SGCD: variants seen among roughly 807,000 people sequenced by gnomAD.
SGCD encodes the protein delta-sarcoglycan.
SGCD carries 18 observed loss-of-function variants against 36.6 expected under a neutral mutation model. The observed-to-expected ratio is 0.49, with a 90% confidence interval of 0.34 to 0.73. The LOEUF is 0.73. SGCD is among the 30% of genes least tolerant of loss of function. The probability of loss-of-function intolerance (pLI) is 0.01; values close to 1 mark genes in which losing one functional copy is unlikely to be tolerated. For synonymous variants in SGCD, 133 were observed against 130.6 expected, an observed-to-expected ratio of 1.02 and a Z score of -0.12; for missense variants, 387 against 346.7, an observed-to-expected ratio of 1.12 and a Z score of -0.92.
chr5:155,989,485 T>C (rs1758391230), intron 1 of SGCD, among the ~76,000 whole-genome samples: 1 of 152,146 alleles, frequency 6.6e-6, no homozygotes, highest in Non-Finnish European at 1.5e-5. Flanking sequence ...TTAGATGTCA[T>C]TTTCATCTAG....
the SGCD span, among the ~76,000 whole-genome samples, chr5:155,789,036 A>G: frequency 1.3e-5 from 2 of 152,298 alleles, no homozygotes; most frequent in South Asian, 2.1e-4. Flanking sequence ...TTTGCCATGT[A>G]GATATATAAG....
intron 3 of SGCD, among the ~76,000 whole-genome samples, chr5:156,479,270 A>G (rs1420477540): frequency 6.6e-6 from 1 of 151,668 alleles, no homozygotes; most frequent in African/African-American, 2.4e-5. Flanking sequence ...TTTTTTTTGT[A>G]CTTTTAGTAG....
chr5:156,512,910 C>G (rs1478844982), intron 4 of SGCD, among the ~76,000 whole-genome samples: 2 of 151,562 alleles, frequency 1.3e-5, no homozygotes, highest in Non-Finnish European at 2.9e-5. Flanking sequence ...TATTTAATGT[C>G]TAACTTAAGA....
At chr5:155,800,290 C>A in the SGCD span, among the ~76,000 whole-genome samples, 1 of 152,084 alleles carries the variant, frequency 6.6e-6, no homozygotes, top group Non-Finnish European at 1.5e-5. Context: ...CCATATTCTC[C>A]TAAAACACAG....
chr5:156,655,596 C>A (rs1296759547), intron 7 of SGCD, among the ~76,000 whole-genome samples: 1 of 152,098 alleles, frequency 6.6e-6, no homozygotes, highest in African/African-American at 2.4e-5. Context: ...AAGGTCTATG[C>A]CAAATATCCA....
chr5:156,669,566 G>C (rs1337301420), intron 7 of SGCD, among the ~76,000 whole-genome samples: 1 of 152,164 alleles, frequency 6.6e-6, no homozygotes, highest in African/African-American at 2.4e-5. Context: ...AGGAAATGCT[G>C]TTTGCTTTGC....
the SGCD span, among the ~76,000 whole-genome samples, chr5:155,732,394 G>C: frequency 6.6e-6 from 1 of 152,184 alleles, no homozygotes; most frequent in East Asian, 1.9e-4. Flanking sequence ...ATTATGTACC[G>C]TGGTAGCTGC....
intron 3 of SGCD, among the ~76,000 whole-genome samples, chr5:156,283,331 G>A (rs972033339): frequency 1.3e-5 from 2 of 152,154 alleles, no homozygotes; most frequent in Non-Finnish European, 2.9e-5. Context: ...CTGTTCTCTG[G>A]TGTAACTCCG....
chr5:155,986,515 A>G, intron 1 of SGCD, among the ~76,000 whole-genome samples: 1 of 152,126 alleles, frequency 6.6e-6, no homozygotes, highest in Non-Finnish European at 1.5e-5. Context: ...GGCTCCTCAG[A>G]GTTGATATGT....
the SGCD span, among the ~76,000 whole-genome samples, chr5:155,797,230 C>T: frequency 6.6e-6 from 1 of 152,136 alleles, no homozygotes. Flanking sequence ...TCCAGGCCTA[C>T]ATAATTTCAC....
chr5:156,491,463 A>T (rs1482521137), intron 3 of SGCD, among the ~76,000 whole-genome samples: 1 of 152,158 alleles, frequency 6.6e-6, no homozygotes, highest in Non-Finnish European at 1.5e-5. Context: ...AATAACCCAA[A>T]TAGCATGACA....
chr5:155,744,903 T>G, the SGCD span, among the ~76,000 whole-genome samples: 2 of 152,170 alleles, frequency 1.3e-5, no homozygotes, highest in African/African-American at 4.8e-5. Flanking sequence ...ATAAGATGAA[T>G]AAAATGTGAA....
At chr5:155,793,450 A>C in the SGCD span, among the ~76,000 whole-genome samples, 1 of 152,174 alleles carries the variant, frequency 6.6e-6, no homozygotes, top group African/African-American at 2.4e-5. Flanking sequence ...TGGACTAGAT[A>C]GTAGATTATA....
In SGCD at chr5:156,763,382, C is replaced by A. The variant is rs1262267495; in HGVS notation, c.*3992C>A. The A allele has an allele frequency of 6.6e-6, 1 of 152,500 alleles. No individual in the cohort carries two copies. The highest frequency in any genetic ancestry group is 1.5e-5 in the Non-Finnish European group (1 of 68,024). The allele number at this position is 152,500 out of a possible 1,614,324, so 9.4% of individuals were successfully genotyped here. A position where few individuals can be genotyped will look rare whatever the true frequency, so the allele number is the denominator to read the frequency against. On this transcript the variant is annotated 3_prime_UTR_variant, in exon 9 of 9. Transcript: ENST00000337851. ...TGTGCTTACTGTTCCTACAGCCACA[C>A]CAGGCTTGAAGAGTTAGTGAGACCA...
At chr5:156,715,504 C>A (rs1373849964) in intron 7 of SGCD, among the ~76,000 whole-genome samples, 1 of 152,166 alleles carries the variant, frequency 6.6e-6, no homozygotes, top group Non-Finnish European at 1.5e-5. Context: ...CTAATCCATG[C>A]CGCCATTTCA....
chr5:156,268,705 G>C (rs1263028455), intron 3 of SGCD, among the ~76,000 whole-genome samples: 4 of 152,088 alleles, frequency 2.6e-5, no homozygotes, highest in Non-Finnish European at 5.9e-5. Flanking sequence ...CAATTCTCTT[G>C]CCTCAGCCTC....
At chr5:155,872,351 GCACACA>G (rs3085993) in intron 1 of SGCD, among the ~76,000 whole-genome samples, 17,567 of 145,006 alleles carry the variant, frequency 0.12, 1,065 homozygotes, top group South Asian at 0.2. Flanking sequence ...CTTCTCTTCA[GCACACA>G]CACACACACA....
At chr5:155,910,556 G>C (rs1372852100) in intron 1 of SGCD, among the ~76,000 whole-genome samples, 1 of 151,920 alleles carries the variant, frequency 6.6e-6, no homozygotes, top group African/African-American at 2.4e-5. Context: ...TGTCAATCCT[G>C]ATAGTAAAAA....
intron 3 of SGCD, among the ~76,000 whole-genome samples, chr5:156,360,499 T>C (rs919679880): frequency 1.3e-5 from 2 of 152,148 alleles, no homozygotes; most frequent in African/African-American, 2.4e-5. Flanking sequence ...CTGCCTGCCT[T>C]GGCCTCCCAA....
Sources: gnomAD v4.1 joint callset for allele counts (sites outside exome capture counted in the v4.1 genomes callset) on GRCh38, gnomAD v4.1.1 for gene constraint, MANE v1.5 for transcripts, NCBI Gene and HGNC (gene_info 2026-07-23, HGNC 2026-07-21) for gene names.